SEMA6D: variants seen among roughly 807,000 people sequenced by gnomAD.
SEMA6D encodes semaphorin 6D, also known as semaphorin-6D.
A neutral mutation model predicts 106.6 loss-of-function variants in SEMA6D; 35 were observed. The observed-to-expected ratio is 0.33, with a 90% CI of 0.25 to 0.44. SEMA6D has a LOEUF of 0.44. Ranked by LOEUF, SEMA6D falls within the 20% of genes least tolerant of loss-of-function variation. The pLI is 1.00. For missense variants in SEMA6D, 1,185 were observed against 1,345.9 expected, an observed-to-expected ratio of 0.88 and a Z score of 1.87; for synonymous variants, 499 against 487.7, an observed-to-expected ratio of 1.02 and a Z score of -0.31.
At position 47,765,998 on chromosome 15, in the gene SEMA6D, A is replaced by G; in HGVS notation, c.1557A>G (p.Gly519=). The change falls in exon 14 of 19, where the codon GGA becomes GGG. Residue 519 remains glycine (G), a synonymous_variant. Coordinates refer to ENST00000536845, the MANE Select transcript of SEMA6D (RefSeq NM_001358351.3). ...RIPLSRCERY[G]SCKKSCIASR... ...CCCTCAGTCGCTGTGAGCGTTATGGATCATGTAAAAAGTAAGCTCGTGTTT... is the reference window on the plus strand; with the variant it reads ...CCCTCAGTCGCTGTGAGCGTTATGGGTCATGTAAAAAGTAAGCTCGTGTTT... 10 of 1,601,394 alleles carry G rather than the reference A, an allele frequency of 6.2e-6. No homozygotes were observed. The highest frequency in any genetic ancestry group is 8.5e-6 in the Non-Finnish European group (10 of 1,172,880).
At chr15:47,281,210 T>C (rs1292643398) in intron 1 of SEMA6D, among the ~76,000 whole-genome samples, 1 of 131,278 alleles carries the variant, frequency 7.6e-6, no homozygotes, top group Non-Finnish European at 1.6e-5. Context: ...ATCTTGGTGC[T>C]CCTGTATTGG....
At position 47,277,580 on chromosome 15, in the gene SEMA6D, A is replaced by ATGT. The variant is rs1555414587; in HGVS notation, c.-239+93163_-239+93164insGTT. Among the ~76,000 whole-genome samples the ATGT allele has an allele frequency of 3.6e-3, 388 of 107,366 alleles. 6 individuals carry two copies. In the East Asian group the frequency reaches 0.049, roughly 14 times the overall value. 70.4% of individuals were successfully genotyped at this position (107,366 alleles called of 152,430 possible). On this transcript the variant is annotated intron_variant, in intron 1 of 19. Transcript: ENST00000558014. Reference sequence around the variant, plus strand: ...AAAGCATTTTTAAATTAAGGTATGTATATTATTATTATTATTATTATTATT... The same window carrying ATGT: ...AAAGCATTTTTAAATTAAGGTATGTATGTTATTATTATTATTATTATTATTATT...
intron 1 of SEMA6D, among the ~76,000 whole-genome samples, chr15:47,391,399 G>GC (rs5812388): frequency 0.5 from 76,256 of 152,012 alleles, 22,674 homozygotes; most frequent in African/African-American, 0.84. Flanking sequence ...GAGTCTTCCA[G>GC]CTTCCTGCTG....
chr15:47,556,652 C>T (rs75061932), intron 3 of SEMA6D, among the ~76,000 whole-genome samples: 10,468 of 152,022 alleles, frequency 0.069, 523 homozygotes, highest in East Asian at 0.24. Flanking sequence ...ATTTTGGAAA[C>T]ACAGAACTAA....
chr15:47,353,462 A>G (rs563114252), intron 1 of SEMA6D, among the ~76,000 whole-genome samples: 1 of 152,252 alleles, frequency 6.6e-6, no homozygotes, highest in East Asian at 1.9e-4. Flanking sequence ...CTTGCTTTCT[A>G]CCTGGATACC....
intron 2 of SEMA6D, among the ~76,000 whole-genome samples, chr15:47,421,134 A>T (rs1461125109): frequency 6.6e-6 from 1 of 152,154 alleles, no homozygotes; most frequent in Non-Finnish European, 1.5e-5. Flanking sequence ...TTCACTTTTC[A>T]TCCTCACCTG....
intron 1 of SEMA6D, among the ~76,000 whole-genome samples, chr15:47,739,270 G>A (rs688475): frequency 0.29 from 44,093 of 152,064 alleles, 7,895 homozygotes; most frequent in Middle Eastern, 0.4. Flanking sequence ...GATAGTTGGA[G>A]CACAGTGGAC....
intron 1 of SEMA6D, among the ~76,000 whole-genome samples, chr15:47,198,507 A>G (rs1894508706): frequency 2.0e-5 from 3 of 152,186 alleles, no homozygotes. Context: ...TGATTCCTAA[A>G]GACAGAGCTC....
chr15:47,716,176 G>C (rs2079110772), upstream of SEMA6D, among the ~76,000 whole-genome samples: 2 of 152,100 alleles, frequency 1.3e-5, no homozygotes, highest in African/African-American at 4.8e-5. Context: ...TCTTCTAATT[G>C]GAAGAACAGC....
At chr15:47,396,208 AC>A (rs1400884658) in intron 1 of SEMA6D, 1 of 152,084 alleles carries the variant, frequency 6.6e-6, no homozygotes, top group Non-Finnish European at 1.5e-5. Flanking sequence ...TACTTAAGCC[AC>A]CCAGTCTATG....
chr15:47,475,566 A>G (rs1031972208), intron 3 of SEMA6D, among the ~76,000 whole-genome samples: 2 of 152,156 alleles, frequency 1.3e-5, no homozygotes, highest in African/African-American at 4.8e-5. Flanking sequence ...ACAAGTCTTC[A>G]TGTTTTAAAT....
At chr15:47,270,945 A>G (rs76434270) in intron 1 of SEMA6D, among the ~76,000 whole-genome samples, 3 of 150,216 alleles carry the variant, frequency 2.0e-5, no homozygotes, top group Non-Finnish European at 4.4e-5. Context: ...ACTTCATCTC[A>G]AAAAAAAAAT....
intron 1 of SEMA6D, among the ~76,000 whole-genome samples, chr15:47,214,777 G>A (rs2141266375): frequency 6.6e-6 from 1 of 152,144 alleles, no homozygotes; most frequent in East Asian, 1.9e-4. Flanking sequence ...TTGTTGTTAA[G>A]GTATAAATCA....
intron 3 of SEMA6D, among the ~76,000 whole-genome samples, chr15:47,505,263 G>A (rs1292474531): frequency 6.6e-6 from 1 of 152,174 alleles, no homozygotes; most frequent in African/African-American, 2.4e-5. Flanking sequence ...GCAGTAAGCT[G>A]TATGGCCTTC....
intron 1 of SEMA6D, among the ~76,000 whole-genome samples, chr15:47,312,508 T>C (rs112886514): frequency 0.011 from 1,634 of 152,274 alleles, 24 homozygotes; most frequent in African/African-American, 0.035. Context: ...GTTTCTTGTG[T>C]TAATCCCTGA....
At chr15:47,345,841 G>A (rs2038023343) in intron 1 of SEMA6D, among the ~76,000 whole-genome samples, 1 of 152,130 alleles carries the variant, frequency 6.6e-6, no homozygotes, top group South Asian at 2.1e-4. Context: ...ACAAGTGTGG[G>A]GGTGGTACAA....
In SEMA6D at chr15:47,489,725, C is replaced by T. The variant is rs551156442; in HGVS notation, c.-87+19180C>T. Among the ~76,000 whole-genome samples the T allele has an allele frequency of 5.7e-4, 86 of 152,096 alleles. 1 individual carries two copies. Among genetic ancestry groups the T allele is most frequent in the African/African-American group, 2.0e-3 (82 of 41,480 alleles). On this transcript the variant is annotated intron_variant, in intron 3 of 19. Transcript: ENST00000558014. Reference sequence around the variant, plus strand: ...GGAGTGCAGTGGCGCGATCTTGGCTCGCTGCAACCTCCGCCTCCCAGGTTC... The same window carrying T: ...GGAGTGCAGTGGCGCGATCTTGGCTTGCTGCAACCTCCGCCTCCCAGGTTC...
intron 3 of SEMA6D, among the ~76,000 whole-genome samples, chr15:47,540,017 C>G (rs1263285065): frequency 1.3e-5 from 2 of 150,932 alleles, no homozygotes; most frequent in Admixed American, 6.6e-5. Flanking sequence ...TGATCAGGAG[C>G]ATGATTTGAA....
chr15:47,640,444 G>A (rs1181055251), intron 4 of SEMA6D, among the ~76,000 whole-genome samples: 1 of 152,162 alleles, frequency 6.6e-6, no homozygotes, highest in Non-Finnish European at 1.5e-5. Context: ...CTTCACCTTA[G>A]AGTGAACTTG....
Sources: allele counts gnomAD v4.1 joint callset (sites outside exome capture counted in the v4.1 genomes callset), GRCh38; gene constraint gnomAD v4.1.1; transcripts MANE v1.5; gene names NCBI Gene and HGNC (gene_info 2026-07-23, HGNC 2026-07-21).